MEGF6: variants seen among roughly 807,000 people sequenced by gnomAD.
MEGF6 encodes the protein multiple EGF like domains 6.
A neutral mutation model predicts 207.1 loss-of-function variants in MEGF6; 184 were observed. The ratio of observed to expected loss-of-function variants is 0.89; its 90% CI spans 0.79 to 1.00. The LOEUF is 1.00. Ranked by LOEUF, MEGF6 falls within the 50% of genes least tolerant of loss-of-function variation. MEGF6 has a pLI of 0.00. For synonymous variants in MEGF6, 1,038 were observed against 910.0 expected (o/e 1.14, Z -2.53); for missense variants, 2,282 against 2,202.9 (o/e 1.04, Z -0.72).
the MEGF6 span, among the ~76,000 whole-genome samples, chr1:3,622,388 C>T: frequency 6.6e-6 from 1 of 152,196 alleles, no homozygotes; most frequent in African/African-American, 2.4e-5. Flanking sequence ...TTGTAAGTTT[C>T]CTAAGGTCTC....
intron 4 of MEGF6, among the ~76,000 whole-genome samples, chr1:3,530,432 A>G (rs1570068217): frequency 6.6e-6 from 1 of 150,504 alleles, no homozygotes; most frequent in African/African-American, 2.5e-5. Context: ...CTCCAATTCC[A>G]CCCCCTCCTC....
At chr1:3,579,767 C>G in intron 4 of MEGF6, 58 bp downstream of exon 4, 1 of 1,281,592 alleles carries the variant, frequency 7.8e-7, no homozygotes, top group Non-Finnish European at 1.0e-6. Context: ...CACATCCTCG[C>G]CCCTTGCCCA....
intron 4 of MEGF6, among the ~76,000 whole-genome samples, chr1:3,538,842 G>T (rs773947569): frequency 6.6e-6 from 1 of 152,106 alleles, no homozygotes; most frequent in African/African-American, 2.4e-5. Context: ...CACAGCACCC[G>T]CTGGGGATGT....
chr1:3,505,871 G>A (rs1221871107), intron 15 of MEGF6, among the ~76,000 whole-genome samples: 8 of 152,202 alleles, frequency 5.3e-5, no homozygotes, highest in Non-Finnish European at 5.9e-5. Flanking sequence ...TCAAGGCTGG[G>A]AGGCACAAGG....
chr1:3,533,977 G>C (rs886794102), intron 4 of MEGF6, among the ~76,000 whole-genome samples: 4 of 152,184 alleles, frequency 2.6e-5, no homozygotes, highest in Non-Finnish European at 5.9e-5. Context: ...CGCACCCTCA[G>C]GATCCCATGC....
intron 4 of MEGF6, among the ~76,000 whole-genome samples, chr1:3,569,444 G>A (rs1000221024): frequency 5.3e-5 from 8 of 152,228 alleles, no homozygotes; most frequent in East Asian, 1.9e-4. Context: ...CCCCACACCC[G>A]GATGCCATGG....
intron 17 of MEGF6, among the ~76,000 whole-genome samples, chr1:3,502,858 T>C (rs72852480): frequency 0.076 from 11,517 of 152,206 alleles, 1,467 homozygotes; most frequent in African/African-American, 0.26. Context: ...AGCATGAGGC[T>C]AGCCGGGAGC....
At chr1:3,618,445 C>G in the MEGF6 span, among the ~76,000 whole-genome samples, 10 of 152,118 alleles carry the variant, frequency 6.6e-5, no homozygotes, top group Non-Finnish European at 1.0e-4. The surrounding 1 kb of genome is among the most constrained non-coding windows in gnomAD (Gnocchi z 4.7). Context: ...CGGCGAGGGG[C>G]AGGTGGGAAG....
intron 4 of MEGF6, among the ~76,000 whole-genome samples, chr1:3,551,945 TG>T (rs1642899041): frequency 6.6e-6 from 1 of 152,180 alleles, no homozygotes; most frequent in African/African-American, 2.4e-5. Context: ...GACCAAGCCT[TG>T]CTGGGTGCCC....
At chr1:3,621,379 G>A in the MEGF6 span, among the ~76,000 whole-genome samples, 1 of 152,224 alleles carries the variant, frequency 6.6e-6, no homozygotes, top group African/African-American at 2.4e-5. Context: ...GCTCGCACTT[G>A]TCTTCTGGTC....
At chr1:3,577,994 A>G (rs1212691739) in intron 4 of MEGF6, among the ~76,000 whole-genome samples, 1 of 152,208 alleles carries the variant, frequency 6.6e-6, no homozygotes, top group Non-Finnish European at 1.5e-5. Flanking sequence ...TCAGGGTCTC[A>G]TGGAGCAGGG....
intron 3 of MEGF6, among the ~76,000 whole-genome samples, chr1:3,585,408 G>C (rs1386333408): frequency 6.9e-6 from 1 of 145,772 alleles, no homozygotes; most frequent in Admixed American, 6.7e-5. Flanking sequence ...GTGTGGGTGT[G>C]AGTGACACAT....
At chr1:3,510,132 A>G in intron 10 of MEGF6, 140 bp from the exon 11 acceptor site, 1 of 1,192,414 alleles carries the variant, frequency 8.4e-7, no homozygotes, top group Non-Finnish European at 1.1e-6. Flanking sequence ...ACCAGCCAGT[A>G]AAACTCACCC....
chr1:3,572,753 G>A (rs535229744), intron 4 of MEGF6, among the ~76,000 whole-genome samples: 1 of 148,620 alleles, frequency 6.7e-6, no homozygotes, highest in South Asian at 2.2e-4. Flanking sequence ...GGTCCTTCCT[G>A]TGTGTGCTGG....
intron 4 of MEGF6, among the ~76,000 whole-genome samples, chr1:3,561,919 G>A (rs1643213405): frequency 2.0e-5 from 3 of 152,180 alleles, no homozygotes; most frequent in African/African-American, 7.2e-5. Flanking sequence ...AATGTCAAAG[G>A]AAGGAAGCCA....
chr1:3,589,012 C>A (rs1015114669), intron 3 of MEGF6, among the ~76,000 whole-genome samples: 1 of 152,128 alleles, frequency 6.6e-6, no homozygotes, highest in East Asian at 1.9e-4. Context: ...AAATGTGACC[C>A]TGCTTAGAAA....
rs1034961356 is a variant in MEGF6 at position 3,556,073 on chromosome 1, G to A, written c.481+23752C>T. Among the ~76,000 whole-genome samples the A allele has an allele frequency of 7.2e-5, 11 of 152,222 alleles. No individual in the cohort carries two copies. The highest frequency in any genetic ancestry group is 2.4e-4 in the African/African-American group (10 of 41,458). On this transcript the variant is annotated intron_variant, in intron 4 of 36. Transcript: ENST00000356575. The surrounding 1 kb of genome is among the most constrained non-coding windows in gnomAD (Gnocchi z 4.4). ...GGCCAGGGGAGCCCCTCTCCAAGGT[G>A]GGCTGGGTTCAGAGACCTTGGGGGT...
At position 3,498,794 on chromosome 1, in the gene MEGF6, G is replaced by A. The variant is rs752133585; in HGVS notation, c.3127C>T (p.Arg1043Trp). 38 of 1,555,446 alleles carry A rather than the reference G, an allele frequency of 2.4e-5. No homozygotes were observed. Among genetic ancestry groups the A allele is most frequent in the East Asian group, 7.2e-5 (3 of 41,488 alleles). Residue 1043 changes from arginine (R) to tryptophan (W), a missense_variant, in exon 25 of 37, where the codon CGG (arginine) becomes TGG (tryptophan). Transcript: ENST00000356575. ...CPAGLYGDNC[R>W]HSCLCQNGGT... The stretch of plus-strand genomic sequence containing the variant: ...CCGTTCTGGCAGAGGCAGGAATGCC[G>A]ACAGTTGTCGCCGTACAGGCCGGCA...
At chr1:3,599,944 C>T (rs979704739) in intron 2 of MEGF6, among the ~76,000 whole-genome samples, 3 of 152,142 alleles carry the variant, frequency 2.0e-5, no homozygotes, top group East Asian at 1.9e-4. Context: ...GCTCAGTTCA[C>T]GGGTGAGAAA....
Sources: allele counts gnomAD v4.1 joint callset (sites outside exome capture counted in the v4.1 genomes callset), GRCh38; gene constraint gnomAD v4.1.1; non-coding constraint Gnocchi (gnomAD v3.1); transcripts MANE v1.5; gene names NCBI Gene and HGNC (gene_info 2026-07-23, HGNC 2026-07-21).